SLC39A9: variants seen among roughly 807,000 people sequenced by gnomAD.
SLC39A9 encodes the protein solute carrier family 39 member 9.
A neutral mutation model predicts 28.4 loss-of-function variants in SLC39A9; 14 were observed. The observed-to-expected ratio is 0.49, with a 90% CI of 0.33 to 0.77. The LOEUF (loss-of-function observed/expected upper bound fraction) is 0.77, where lower values mean the gene tolerates loss of function less well. Ranked by LOEUF, SLC39A9 falls within the 30% of genes least tolerant of loss-of-function variation. SLC39A9 has a pLI of 0.02. For synonymous variants in SLC39A9, 119 were observed against 149.6 expected, an observed-to-expected ratio of 0.80 and a Z score of 1.49; for missense variants, 283 against 381.1, an observed-to-expected ratio of 0.74 and a Z score of 2.14.
At chr14:69,455,994 A>C in intron 6 of SLC39A9, 128 bp downstream of exon 6, 1 of 1,092,188 alleles carries the variant, frequency 9.2e-7, no homozygotes, top group Non-Finnish European at 1.3e-6. Context: ...AGTAAAAACT[A>C]TACAGGGTAA....
intron 5 of SLC39A9, among the ~76,000 whole-genome samples, chr14:69,455,108 T>C (rs1257109214): frequency 6.6e-6 from 1 of 152,188 alleles, no homozygotes; most frequent in Non-Finnish European, 1.5e-5. Flanking sequence ...TGTAGACATA[T>C]ACACAAATTG....
chr14:69,427,534 A>G (rs1884264577), intron 2 of SLC39A9, among the ~76,000 whole-genome samples: 1 of 152,222 alleles, frequency 6.6e-6, no homozygotes, highest in Non-Finnish European at 1.5e-5. Flanking sequence ...CACCACTACA[A>G]TCAAAATACA....
chr14:69,422,921 A>T (rs1294859990), intron 1 of SLC39A9, among the ~76,000 whole-genome samples: 1 of 152,274 alleles, frequency 6.6e-6, no homozygotes, highest in East Asian at 1.9e-4. Flanking sequence ...AAACTTTGAA[A>T]CCTAATCTTT....
intron 2 of SLC39A9, among the ~76,000 whole-genome samples, chr14:69,427,888 T>C (rs1884282307): frequency 6.6e-6 from 1 of 152,208 alleles, no homozygotes; most frequent in Non-Finnish European, 1.5e-5. Flanking sequence ...GAGCCCATAT[T>C]GGAGCAACAT....
Position 69,399,320 on chromosome 14 carries a change from C to G in SLC39A9, c.-50C>G. ...TAAAGAACCTAAGCACCATTTAAAG[C>G]CACTGGAAATTTGTTGTCTAGTGGT... On this transcript the variant is annotated 5_prime_UTR_variant, in exon 1 of 7. Transcript: ENST00000336643. The G allele has an allele frequency of 6.5e-7, 1 of 1,534,828 alleles. No homozygotes were observed. The highest frequency in any genetic ancestry group is 9.0e-7 in the Non-Finnish European group (1 of 1,111,672).
At chr14:69,411,550 CT>C (rs1161479086) in intron 1 of SLC39A9, among the ~76,000 whole-genome samples, 3 of 152,142 alleles carry the variant, frequency 2.0e-5, no homozygotes, top group Non-Finnish European at 2.9e-5. Context: ...TGGGAACTGT[CT>C]TTTGATCTTG....
At chr14:69,443,608 C>T (rs1041664026) in intron 3 of SLC39A9, among the ~76,000 whole-genome samples, 3 of 152,194 alleles carry the variant, frequency 2.0e-5, no homozygotes, top group African/African-American at 7.2e-5. Context: ...CCATGACTCA[C>T]CTGTAATCCT....
At chr14:69,415,991 TAC>T (rs1883556159) in intron 1 of SLC39A9, among the ~76,000 whole-genome samples, 4 of 152,146 alleles carry the variant, frequency 2.6e-5, no homozygotes. Flanking sequence ...TACATATGTA[TAC>T]ATGTGCCATG....
At chr14:69,449,313 G>A (rs181333663) in intron 3 of SLC39A9, among the ~76,000 whole-genome samples, 31 of 152,296 alleles carry the variant, frequency 2.0e-4, no homozygotes, top group Non-Finnish European at 3.5e-4. Flanking sequence ...CATTTTTCTT[G>A]TGATTCTTGT....
chr14:69,409,645 G>C (rs1883158690), intron 1 of SLC39A9, among the ~76,000 whole-genome samples: 1 of 152,104 alleles, frequency 6.6e-6, no homozygotes, highest in South Asian at 2.1e-4. Context: ...CCTGCCTTGG[G>C]CATTTTAAAA....
In SLC39A9 at chr14:69,461,420, T is replaced by G. The variant is rs1364642200; in HGVS notation, c.*2827T>G. On this transcript the variant is annotated 3_prime_UTR_variant, in exon 7 of 7. Transcript: ENST00000336643. ...CCTGTGCACACTATTGCCAAATTTTTTTTTAGCAAAGATTCTGCACTGGAA... is the reference window on the plus strand; with the variant it reads ...CCTGTGCACACTATTGCCAAATTTTGTTTTAGCAAAGATTCTGCACTGGAA... The G allele has an allele frequency of 2.0e-5, 25 of 1,265,298 alleles. No individual in the cohort carries two copies. The Admixed American group carries it at 8.2e-4, about 42-fold the overall frequency. 78.4% of individuals were successfully genotyped at this position (1,265,298 alleles called of 1,614,324 possible).
At chr14:69,423,672 C>T (rs1046945603) in intron 1 of SLC39A9, among the ~76,000 whole-genome samples, 22 of 151,966 alleles carry the variant, frequency 1.4e-4, no homozygotes, top group African/African-American at 4.3e-4. Flanking sequence ...CCGAAGCGGG[C>T]GGATCACCTG....
intron 1 of SLC39A9, among the ~76,000 whole-genome samples, chr14:69,413,377 T>A (rs920429140): frequency 6.6e-6 from 1 of 152,094 alleles, no homozygotes; most frequent in African/African-American, 2.4e-5. Flanking sequence ...AAATTTTTTT[T>A]CAAAGAATCG....
In SLC39A9 at chr14:69,460,619, C is replaced by T. The variant is rs568938028; in HGVS notation, c.*2026C>T. 2 of 985,396 alleles carry T rather than the reference C, an allele frequency of 2.0e-6. No individual in the cohort carries two copies. Among genetic ancestry groups the T allele is most frequent in the East Asian group, 1.1e-4 (1 of 8,810 alleles). The allele number at this position is 985,396 out of a possible 1,614,324, so 61.0% of individuals were successfully genotyped here. On this transcript the variant is annotated 3_prime_UTR_variant, in exon 7 of 7. Coordinates refer to ENST00000336643, the MANE Select transcript of SLC39A9 (RefSeq NM_018375.5). ...TGCAATGGTAATTTGTTCTACTGGCCAAAGCCTCTTTCAGCAGTGCCTTGC... is the reference window on the plus strand; with the variant it reads ...TGCAATGGTAATTTGTTCTACTGGCTAAAGCCTCTTTCAGCAGTGCCTTGC...
chr14:69,400,000 G>A (rs1322399271), intron 1 of SLC39A9, among the ~76,000 whole-genome samples: 1 of 152,128 alleles, frequency 6.6e-6, no homozygotes, highest in African/African-American at 2.4e-5. Context: ...GGTTGAGGCT[G>A]CAGTGAGCCG....
intron 1 of SLC39A9, among the ~76,000 whole-genome samples, chr14:69,418,689 G>A (rs942124053): frequency 6.6e-6 from 1 of 152,156 alleles, no homozygotes; most frequent in South Asian, 2.1e-4. Context: ...TTCAGAGCCT[G>A]TTATTTGTCT....
chr14:69,419,505 T>G (rs1566911657), intron 1 of SLC39A9, among the ~76,000 whole-genome samples: 1 of 152,204 alleles, frequency 6.6e-6, no homozygotes, highest in Non-Finnish European at 1.5e-5. Context: ...GTTCTGTAGA[T>G]GTCTATTAGG....
intron 1 of SLC39A9, among the ~76,000 whole-genome samples, chr14:69,413,755 A>G (rs1043426222): frequency 3.9e-5 from 6 of 152,110 alleles, no homozygotes; most frequent in African/African-American, 9.7e-5. Context: ...TGTATGTATT[A>G]TGCTATGCAG....
rs961992564 is a variant in SLC39A9, at chr14:69,403,523, A to G, written c.96+4058A>G. Reference sequence around the variant, plus strand: ...GTTTTTGTTTTTAATTTTTATTTCAATCCATACCAATACACTTATAAAAAT... The same window carrying G: ...GTTTTTGTTTTTAATTTTTATTTCAGTCCATACCAATACACTTATAAAAAT... On this transcript the variant is annotated intron_variant, in intron 1 of 6. Transcript: ENST00000336643. Among the ~76,000 whole-genome samples, 2 of 152,202 alleles carry G rather than the reference A, an allele frequency of 1.3e-5. 1 individual carries two copies. The highest frequency in any genetic ancestry group is 2.9e-5 in the Non-Finnish European group (2 of 68,040).
Sources: allele counts gnomAD v4.1 joint callset (sites outside exome capture counted in the v4.1 genomes callset), GRCh38; gene constraint gnomAD v4.1.1; transcripts MANE v1.5; gene names NCBI Gene and HGNC (gene_info 2026-07-23, HGNC 2026-07-21).